The following THNSL1 variants were observed in gnomAD, a reference collection of about 807,000 sequenced individuals.
The protein encoded by THNSL1 is threonine synthase-like 1.
In THNSL1, 48 loss-of-function variants were observed where a neutral mutation model predicts 50.4. The observed-to-expected ratio is 0.95, with a 90% CI of 0.76 to 1.21. The LOEUF (loss-of-function observed/expected upper bound fraction) is 1.21, where lower values mean the gene tolerates loss of function less well. THNSL1 is among the 50% of genes most tolerant of loss of function. THNSL1 has a pLI of 0.00. For synonymous variants in THNSL1, 309 were observed against 306.1 expected (o/e 1.01, Z -0.10); for missense variants, 896 against 871.7 (o/e 1.03, Z -0.35).
At chr10:24,998,310 TCTCCC>T in the THNSL1 span, among the ~76,000 whole-genome samples, 24 of 149,178 alleles carry the variant, frequency 1.6e-4, no homozygotes, top group African/African-American at 4.4e-4. Flanking sequence ...TCTCTTCTCC[TCTCCC>T]CTCCCCTCCC....
the THNSL1 span, among the ~76,000 whole-genome samples, chr10:24,979,769 C>A: frequency 6.6e-6 from 1 of 152,174 alleles, no homozygotes; most frequent in Non-Finnish European, 1.5e-5. Context: ...CTAGATGCCA[C>A]AATTTTCATA....
At chr10:25,010,515 A>G in the THNSL1 span, among the ~76,000 whole-genome samples, 1 of 151,800 alleles carries the variant, frequency 6.6e-6, no homozygotes, top group South Asian at 2.1e-4. Context: ...ACATATGTAT[A>G]CATGTGCCAT....
At position 25,025,622 on chromosome 10, in the gene THNSL1, T is replaced by A; in HGVS notation, c.*167T>A. On this transcript the variant is annotated 3_prime_UTR_variant, in exon 3 of 3. Transcript: ENST00000376356. Reference sequence around the variant, plus strand: ...GCTGACATGAGAACTCCATGTCACCTCCTCAGATCTTTAATCTGGAAGTGA... The same window carrying A: ...GCTGACATGAGAACTCCATGTCACCACCTCAGATCTTTAATCTGGAAGTGA... The A allele has an allele frequency of 1.6e-6, 1 of 643,404 alleles. No individual in the cohort carries two copies. The highest frequency in any genetic ancestry group is 2.7e-6 in the Non-Finnish European group (1 of 371,506). The allele number at this position is 643,404 out of a possible 1,614,324, so 39.9% of individuals were successfully genotyped here. A position where few individuals can be genotyped will look rare whatever the true frequency, so the allele number is the denominator to read the frequency against.
upstream of THNSL1, among the ~76,000 whole-genome samples, chr10:25,011,622 T>G (rs992096104): frequency 1.3e-5 from 2 of 152,120 alleles, no homozygotes; most frequent in South Asian, 2.1e-4. Flanking sequence ...CCTGCAACCA[T>G]AAAGACCCTA....
the THNSL1 span, among the ~76,000 whole-genome samples, chr10:24,966,297 T>C: frequency 1.3e-5 from 2 of 152,218 alleles, no homozygotes; most frequent in Non-Finnish European, 2.9e-5. Flanking sequence ...AGAAAGGCCC[T>C]AATAATAAAG....
the THNSL1 span, among the ~76,000 whole-genome samples, chr10:24,997,753 C>A: frequency 5.3e-5 from 8 of 151,278 alleles, no homozygotes; most frequent in African/African-American, 2.4e-5. Context: ...TTTTGCCTTA[C>A]AATGTTTACA....
At chr10:24,994,912 C>T in the THNSL1 span, among the ~76,000 whole-genome samples, 1 of 152,020 alleles carries the variant, frequency 6.6e-6, no homozygotes, top group Admixed American at 6.5e-5. Context: ...ATTCCAGCTA[C>T]TTGGGAGGCT....
In THNSL1 at chr10:25,024,180, G is replaced by C. The variant is rs1302697789; in HGVS notation, c.957G>C (p.Gly319=). The part of the protein sequence containing the change: ...RLGEMIETAY[G]ENFACSKIAP... ...GAGAAATGATTGAAACTGCTTATGG[G>C]GAAAACTTTGCCTGCTCAAAAATTG... Residue 319 remains glycine (G), a synonymous_variant, in exon 3 of 3, where the codon GGG becomes GGC. Transcript: ENST00000376356. 4 of 1,614,080 alleles carry C rather than the reference G, an allele frequency of 2.5e-6. No homozygotes were observed. The highest frequency in any genetic ancestry group is 3.4e-6 in the Non-Finnish European group (4 of 1,180,040).
upstream of THNSL1, chr10:25,015,961 C>A: frequency 6.3e-7 from 1 of 1,595,968 alleles, no homozygotes; most frequent in South Asian, 1.1e-5. Flanking sequence ...TCCTTAAAAG[C>A]TACTCTCCAC....
In THNSL1 at chr10:25,024,323, C is replaced by T; in HGVS notation, c.1100C>T (p.Pro367Leu). 6.2e-7 allele frequency: 1 copy of T among 1,614,158 alleles called. No homozygotes were observed. Among genetic ancestry groups the T allele is most frequent in the Non-Finnish European group, 8.5e-7 (1 of 1,180,022 alleles). ...CCTCATATTTTTGCACACTGTATCC[C>T]ACCAAGTTGCAATTATATGATACTT... ...LMPHIFAHCI[P>L]PSCNYMILVA... Residue 367 changes from proline to leucine, a missense_variant, in exon 3 of 3, where the codon CCA becomes CTA. By Grantham distance (98) the Pro-to-Leu change is moderately conservative. Coordinates refer to ENST00000376356, the MANE Select transcript of THNSL1 (RefSeq NM_024838.5).
the THNSL1 span, among the ~76,000 whole-genome samples, chr10:25,005,906 C>A: frequency 6.6e-6 from 1 of 152,184 alleles, no homozygotes; most frequent in African/African-American, 2.4e-5. Context: ...ATGTATTCAT[C>A]TACATCTGTG....
chr10:24,986,062 C>A, the THNSL1 span, among the ~76,000 whole-genome samples: 1 of 152,066 alleles, frequency 6.6e-6, no homozygotes, highest in African/African-American at 2.4e-5. Flanking sequence ...GAGCAGAGAC[C>A]CTGCCTGAAA....
chr10:25,025,227 C>T lies in THNSL1; in HGVS notation c.2004C>T (p.Tyr668=). 1 of 1,614,188 alleles carries T rather than the reference C, an allele frequency of 6.2e-7. No individual in the cohort carries two copies. Among genetic ancestry groups the T allele is most frequent in the African/African-American group, 1.3e-5 (1 of 75,058 alleles). ...TGATTATCTCATCTACAGCCCATTA[C>T]TCAAAGTTTGCACCTGCTATCATGC... ...CPVIISSTAH[Y]SKFAPAIMQA... is the part of the protein sequence containing the mutation. Residue 668 remains tyrosine (Y), a synonymous_variant, in exon 3 of 3, where the codon TAC becomes TAT. Transcript: ENST00000376356.
At chr10:24,969,944 A>G in the THNSL1 span, among the ~76,000 whole-genome samples, 1 of 152,238 alleles carries the variant, frequency 6.6e-6, no homozygotes, top group African/African-American at 2.4e-5. Flanking sequence ...AAATACAGCT[A>G]TGAAGGGACC....
the THNSL1 span, among the ~76,000 whole-genome samples, chr10:24,960,408 T>C: frequency 2.6e-5 from 4 of 152,080 alleles, no homozygotes; most frequent in Non-Finnish European, 5.9e-5. Context: ...GTTTTATTTG[T>C]TTTATTATTA....
chr10:25,012,505 C>G (rs965407024), upstream of THNSL1, among the ~76,000 whole-genome samples: 1 of 152,238 alleles, frequency 6.6e-6, no homozygotes, highest in Non-Finnish European at 1.5e-5. Context: ...CCATAGGATC[C>G]CACCTCTTGC....
Position 25,024,101 on chromosome 10 carries a change from A to G in THNSL1, c.878A>G (p.Gln293Arg). Residue 293 changes from glutamine (Q) to arginine (R), a missense_variant, in exon 3 of 3, where the codon CAG (glutamine) becomes CGG (arginine). Transcript: ENST00000376356. Reference protein sequence around the residue: ...LVGATYVERAQILLERCIHPA... With the variant: ...LVGATYVERARILLERCIHPA... ...GGAGCAACCTACGTAGAAAGAGCAC[A>G]GATACTGTTGGAAAGATGTATCCAT... The G allele has an allele frequency of 6.2e-7, 1 of 1,614,232 alleles. No homozygotes were observed. The highest frequency in any genetic ancestry group is 8.5e-7 in the Non-Finnish European group (1 of 1,180,032).
chr10:25,018,659 GTTTT>G (rs374289213), intron 1 of THNSL1, among the ~76,000 whole-genome samples: 11 of 93,738 alleles, frequency 1.2e-4, no homozygotes, highest in African/African-American at 1.0e-4. Context: ...AATGAGAGTT[GTTTT>G]TTTTTTTTTT....
At chr10:24,953,515 C>T in the THNSL1 span, 1 of 152,258 alleles carries the variant, frequency 6.6e-6, no homozygotes, top group Non-Finnish European at 1.5e-5. Context: ...GATTAGAAAT[C>T]CTTCTTGTAT....
Sources: allele counts gnomAD v4.1 joint callset (sites outside exome capture counted in the v4.1 genomes callset), GRCh38; gene constraint gnomAD v4.1.1; transcripts MANE v1.5; gene names NCBI Gene and HGNC (gene_info 2026-07-23, HGNC 2026-07-21).